The following OPCML variants were observed in gnomAD, a reference collection of about 807,000 sequenced individuals.
OPCML encodes the protein opioid-binding protein/cell adhesion molecule.
A neutral mutation model predicts 37.8 loss-of-function variants in OPCML; 13 were observed. The ratio of observed to expected loss-of-function variants is 0.34; its 90% confidence interval spans 0.22 to 0.55. The LOEUF is 0.55. Among genes scored for constraint, OPCML ranks in the 20% least tolerant of loss-of-function variants. The pLI is 0.91. For synonymous variants in OPCML, 176 were observed against 168.8 expected, an observed-to-expected ratio of 1.04 and a Z score of -0.33; for missense variants, 341 against 435.6, an observed-to-expected ratio of 0.78 and a Z score of 1.93.
At chr11:133,263,969 C>T (rs932948207) in intron 1 of OPCML, among the ~76,000 whole-genome samples, 1 of 152,118 alleles carries the variant, frequency 6.6e-6, no homozygotes, top group East Asian at 1.9e-4. Flanking sequence ...CCTGATGTCA[C>T]GTTTAAAATG....
intron 7 of OPCML, among the ~76,000 whole-genome samples, chr11:132,429,888 T>A (rs1343747879): frequency 6.6e-6 from 1 of 152,030 alleles, no homozygotes; most frequent in Non-Finnish European, 1.5e-5. Flanking sequence ...CCTCTCACCA[T>A]AGGCTGACCC....
intron 3 of OPCML, among the ~76,000 whole-genome samples, chr11:132,590,303 T>A (rs768253144): frequency 6.6e-6 from 1 of 152,108 alleles, no homozygotes; most frequent in Non-Finnish European, 1.5e-5. Flanking sequence ...CATGGGTAAA[T>A]GAATGGAAGG....
intron 2 of OPCML, among the ~76,000 whole-genome samples, chr11:132,795,597 T>A (rs1026724553): frequency 6.6e-6 from 1 of 152,242 alleles, no homozygotes; most frequent in Non-Finnish European, 1.5e-5. Flanking sequence ...TAGGAAGCCA[T>A]GTATCTACTG....
At chr11:132,485,346 G>A (rs899027091) in intron 4 of OPCML, among the ~76,000 whole-genome samples, 44 of 152,114 alleles carry the variant, frequency 2.9e-4, no homozygotes, top group African/African-American at 9.4e-4. Context: ...TCCAATTCAC[G>A]GTTCTTTGTG....
chr11:133,367,236 C>G (rs529047857), intron 1 of OPCML, among the ~76,000 whole-genome samples: 64 of 152,302 alleles, frequency 4.2e-4, no homozygotes, highest in Middle Eastern at 3.4e-3. Flanking sequence ...CTCAGCCTCC[C>G]AAAGTGCTGG....
At chr11:132,765,272 T>TCCC (rs1946397375) in intron 2 of OPCML, among the ~76,000 whole-genome samples, 2 of 152,184 alleles carry the variant, frequency 1.3e-5, no homozygotes, top group Non-Finnish European at 2.9e-5. Context: ...CTAATGTGAG[T>TCCC]AATAAGTAAA....
chr11:133,071,831 G>A (rs977743952), intron 1 of OPCML, among the ~76,000 whole-genome samples: 2 of 152,170 alleles, frequency 1.3e-5, no homozygotes, highest in African/African-American at 2.4e-5. Context: ...GAGCACTCAT[G>A]GGCCTCCTGT....
chr11:132,786,875 G>T (rs1389770727), intron 2 of OPCML, among the ~76,000 whole-genome samples: 1 of 152,166 alleles, frequency 6.6e-6, no homozygotes, highest in African/African-American at 2.4e-5. Context: ...GTGGTCCTCA[G>T]GGTGTACAGG....
intron 2 of OPCML, among the ~76,000 whole-genome samples, chr11:132,880,120 G>T (rs1256498333): frequency 6.6e-6 from 1 of 151,690 alleles, no homozygotes; most frequent in Non-Finnish European, 1.5e-5. Context: ...CTTCATCTTT[G>T]TATTCTTTCC....
chr11:132,912,924 A>C (rs1005985762), intron 2 of OPCML, among the ~76,000 whole-genome samples: 8 of 152,204 alleles, frequency 5.3e-5, no homozygotes, highest in African/African-American at 1.9e-4. Context: ...CCATATATCA[A>C]ATATATGTCA....
At chr11:133,179,389 T>G (rs1011364499) in intron 1 of OPCML, among the ~76,000 whole-genome samples, 1 of 151,858 alleles carries the variant, frequency 6.6e-6, no homozygotes, top group Admixed American at 6.6e-5. Context: ...CCCTGTGGGG[T>G]GGGACAAAGT....
chr11:132,619,438 G>A (rs4572147), intron 3 of OPCML, among the ~76,000 whole-genome samples: 83,949 of 151,882 alleles, frequency 0.55, 23,952 homozygotes, highest in African/African-American at 0.67. Flanking sequence ...GGCATTTGAT[G>A]AATAAATTAT....
At chr11:132,970,902 C>T (rs1278345851) in intron 1 of OPCML, among the ~76,000 whole-genome samples, 2 of 152,108 alleles carry the variant, frequency 1.3e-5, no homozygotes, top group Admixed American at 6.6e-5. Flanking sequence ...ATTAGAAATT[C>T]CCTACCTTAT....
chr11:132,874,071 C>T (rs918933439), intron 2 of OPCML, among the ~76,000 whole-genome samples: 13 of 152,280 alleles, frequency 8.5e-5, no homozygotes, highest in Admixed American at 7.2e-4. Flanking sequence ...TTCCCCATTA[C>T]GAAGGTTCTG....
chr11:132,975,660 CTACT>C (rs1946447832), intron 1 of OPCML, among the ~76,000 whole-genome samples: 1 of 148,376 alleles, frequency 6.7e-6, no homozygotes. Flanking sequence ...TTTATTCTTC[CTACT>C]TAGTCATTTC....
chr11:132,424,189 G>A (rs1018139567), intron 7 of OPCML, among the ~76,000 whole-genome samples: 8 of 151,478 alleles, frequency 5.3e-5, no homozygotes, highest in African/African-American at 1.7e-4. Context: ...GCGTGATCTC[G>A]GCTCACTGCA....
intron 1 of OPCML, among the ~76,000 whole-genome samples, chr11:133,473,151 T>C (rs756954673): frequency 8.5e-5 from 13 of 152,084 alleles, no homozygotes; most frequent in Non-Finnish European, 1.3e-4. Context: ...CCTAGACTAC[T>C]TCTGGAACTT....
rs7925267 is a variant in OPCML, at chr11:133,230,570, A to G, written c.62-287560T>C. ...CCAAACTTTCTTAGTTTATGAAGTT[A>G]TTACTTTTAACAAGACCTTATCTGG... On this transcript the variant is annotated intron_variant, in intron 1 of 7. Coordinates refer to ENST00000524381, the MANE Select transcript of OPCML (RefSeq NM_001012393.5). Among the ~76,000 whole-genome samples, 1,078 of 152,326 alleles carry G rather than the reference A, an allele frequency of 7.1e-3. 14 individuals carry two copies. Among genetic ancestry groups the G allele is most frequent in the African/African-American group, 0.025 (1,022 of 41,574 alleles).
intron 3 of OPCML, among the ~76,000 whole-genome samples, chr11:132,650,878 A>AT (rs1184263655): frequency 6.6e-6 from 1 of 152,174 alleles, no homozygotes; most frequent in Non-Finnish European, 1.5e-5. Context: ...ATTTCAGGTT[A>AT]ACTGCCTGCT....
Sources: gnomAD v4.1 joint callset for allele counts (sites outside exome capture counted in the v4.1 genomes callset) on GRCh38, gnomAD v4.1.1 for gene constraint, MANE v1.5 for transcripts, NCBI Gene and HGNC (gene_info 2026-07-23, HGNC 2026-07-21) for gene names.